The following IGBP1 variants were observed in gnomAD, a reference collection of about 807,000 sequenced individuals.
IGBP1 encodes immunoglobulin-binding protein 1.
IGBP1 carries 2 observed loss-of-function variants against 25.9 expected under a neutral mutation model. That is an observed-to-expected ratio of 0.08 (90% confidence interval 0.03 to 0.24). IGBP1 has a LOEUF of 0.24. IGBP1 is among the 10% of genes least tolerant of loss of function. The pLI is 1.00. For synonymous variants in IGBP1, 96 were observed against 93.4 expected, an observed-to-expected ratio of 1.03 and a Z score of -0.16; for missense variants, 187 against 260.4, an observed-to-expected ratio of 0.72 and a Z score of 1.94.
At chrX:70,148,194 A>G in intron 4 of IGBP1, among the ~76,000 whole-genome samples, 1 of 112,287 alleles carries the variant, frequency 8.9e-6, no homozygotes, top group South Asian at 3.7e-4. Context: ...TTCTTTAACC[A>G]TCCTTTGTTT....
chrX:70,140,014 T>C (rs902777040), intron 3 of IGBP1, among the ~76,000 whole-genome samples: 1 of 112,734 alleles, frequency 8.9e-6, no homozygotes, highest in Non-Finnish European at 1.9e-5. Context: ...ATATGGCTAA[T>C]TCTTCATCCT....
chrX:70,151,018 T>C (rs1219527269), intron 6 of IGBP1, among the ~76,000 whole-genome samples: 1 of 109,216 alleles, frequency 9.2e-6, no homozygotes, highest in East Asian at 2.9e-4. Flanking sequence ...TGGAGTGCAA[T>C]GGCGCGATCT....
At chrX:70,164,741 T>C (rs2085288002) in intron 6 of IGBP1, among the ~76,000 whole-genome samples, 1 of 112,007 alleles carries the variant, frequency 8.9e-6, no homozygotes, top group Admixed American at 9.5e-5. Context: ...TTACAAAAAT[T>C]TGTTTTATAT....
At chrX:70,157,928 A>G (rs1476127563) in intron 6 of IGBP1, among the ~76,000 whole-genome samples, 1 of 112,356 alleles carries the variant, frequency 8.9e-6, no homozygotes, top group Non-Finnish European at 1.9e-5. Flanking sequence ...GTGAATGTGA[A>G]AAAACCCATG....
At chrX:70,142,331 C>G (rs1602663771) in intron 3 of IGBP1, among the ~76,000 whole-genome samples, 1 of 109,855 alleles carries the variant, frequency 9.1e-6, no homozygotes, top group African/African-American at 3.3e-5. Context: ...GACCCTGTCT[C>G]AAAAATAAAG....
chrX:70,161,911 T>C (rs1274478663), intron 6 of IGBP1, among the ~76,000 whole-genome samples: 1 of 111,773 alleles, frequency 8.9e-6, no homozygotes, highest in Non-Finnish European at 1.9e-5. Context: ...TTAACAGTAT[T>C]GGATTATCAC....
intron 3 of IGBP1, among the ~76,000 whole-genome samples, chrX:70,143,335 G>A (rs1476149743): frequency 8.9e-6 from 1 of 112,373 alleles, no homozygotes; most frequent in African/African-American, 3.2e-5. Flanking sequence ...TTCCCGGCCA[G>A]TTACAGAGAT....
intron 6 of IGBP1, 141 bp downstream of exon 6, chrX:70,150,463 A>T (rs1420281754): frequency 2.0e-6 from 1 of 493,201 alleles, no homozygotes; most frequent in Non-Finnish European, 3.7e-6. Flanking sequence ...TCTAGACAGT[A>T]CTATGTTTAT....
intron 3 of IGBP1, among the ~76,000 whole-genome samples, chrX:70,138,480 C>CA (rs35566042): frequency 0.17 from 9,329 of 54,395 alleles, 1,228 homozygotes; most frequent in African/African-American, 0.3. Flanking sequence ...GACCCTGTCT[C>CA]AAAAAAAAAA....
chrX:70,136,192 A>G (rs2085093781), intron 3 of IGBP1, among the ~76,000 whole-genome samples: 1 of 111,669 alleles, frequency 9.0e-6, no homozygotes, highest in Non-Finnish European at 1.9e-5. Flanking sequence ...AGCTTTCCTC[A>G]TATGTGAAAT....
At chrX:70,152,632 G>A (rs1313272393) in intron 6 of IGBP1, among the ~76,000 whole-genome samples, 6 of 111,905 alleles carry the variant, frequency 5.4e-5, no homozygotes, top group African/African-American at 1.9e-4. Flanking sequence ...TGTAATTAAT[G>A]AAAAGATAAG....
Position 70,154,873 on chromosome X carries a change from C to T in IGBP1, c.871+4551C>T, listed in dbSNP as rs1324360443. On this transcript the variant is annotated intron_variant, in intron 6 of 6. Transcript: ENST00000356413. ...TATCGTGCCCCTGCACTCCAGCCTG[C>T]GTGATAGAGCAAGACCGTGTCTCAA... Among the ~76,000 whole-genome samples the T allele has an allele frequency of 7.4e-5, 8 of 108,605 alleles. No homozygotes were observed. In the South Asian group the frequency reaches 1.6e-3, roughly 22 times the overall value. The allele number at this position is 108,605 out of a possible 115,157, so 94.3% of individuals were successfully genotyped here.
At position 70,156,287 on chromosome X, in the gene IGBP1, TAAAA is replaced by T. The variant is rs202174045; in HGVS notation, c.871+5984_871+5987del. 9.5e-3 allele frequency among the ~76,000 whole-genome samples: 703 copies of T among 74,278 alleles called. 9 individuals are homozygous for T. The highest frequency in any genetic ancestry group is 0.031 in the African/African-American group (678 of 21,768). The allele number at this position is 74,278 out of a possible 115,157, so 64.5% of individuals were successfully genotyped here. A position where few individuals can be genotyped will look rare whatever the true frequency, so the allele number is the denominator to read the frequency against. Reference sequence around the variant, plus strand: ...GGGTTGCCACAAACCTTCAATTTGTTAAAAAAAAAAAAAAAAAAAAAAGTCTCTG... The same window carrying T: ...GGGTTGCCACAAACCTTCAATTTGTTAAAAAAAAAAAAAAAAAAGTCTCTG... On this transcript the variant is annotated intron_variant, in intron 6 of 6. Transcript: ENST00000356413.
At chrX:70,139,499 C>T (rs754718627) in intron 3 of IGBP1, among the ~76,000 whole-genome samples, 3 of 111,058 alleles carry the variant, frequency 2.7e-5, no homozygotes, top group Admixed American at 9.6e-5. Context: ...CCAGACCCCT[C>T]CTGACCTTCA....
At chrX:70,134,270 T>A in intron 2 of IGBP1, 135 bp downstream of exon 2, 2 of 588,726 alleles carry the variant, frequency 3.4e-6, no homozygotes, top group Non-Finnish European at 5.5e-6. Context: ...CGATCTTGTG[T>A]ACATTGTTTA....
At chrX:70,158,527 G>C (rs997121721) in intron 6 of IGBP1, among the ~76,000 whole-genome samples, 1 of 111,352 alleles carries the variant, frequency 9.0e-6, no homozygotes, top group African/African-American at 3.3e-5. Context: ...ATGAACAACA[G>C]ATTGTGGTGA....
rs2085128739 is a variant in IGBP1, at chrX:70,141,340, C to T, written c.483-5293C>T. 2.8e-5 allele frequency among the ~76,000 whole-genome samples: 3 copies of T among 107,861 alleles called. No individual in the cohort carries two copies. The South Asian group carries it at 1.2e-3, about 45-fold the overall frequency. 93.7% of individuals were successfully genotyped at this position (107,861 alleles called of 115,157 possible). On this transcript the variant is annotated intron_variant, in intron 3 of 6. Coordinates refer to ENST00000356413, the MANE Select transcript of IGBP1 (RefSeq NM_001551.3). Reference sequence around the variant, plus strand: ...CTAGCCTGGGCGACAGAGCAAGACCCTGTTGCAAAAAAAAAAAAGAAACTC... The same window carrying T: ...CTAGCCTGGGCGACAGAGCAAGACCTTGTTGCAAAAAAAAAAAAGAAACTC...
At chrX:70,135,221 T>C (rs1343735881) in intron 3 of IGBP1, among the ~76,000 whole-genome samples, 1 of 112,275 alleles carries the variant, frequency 8.9e-6, no homozygotes, top group Non-Finnish European at 1.9e-5. Context: ...CCTGAACTGA[T>C]CTTAGTCCTG....
intron 5 of IGBP1, 45 bp from the exon 6 acceptor site, chrX:70,150,165 G>GT (rs753594234): frequency 5.1e-6 from 4 of 780,917 alleles, no homozygotes; most frequent in East Asian, 3.2e-5. Flanking sequence ...TGTTATTTTT[G>GT]TTTTTTTGTT....
Sources: gnomAD v4.1 joint callset for allele counts (sites outside exome capture counted in the v4.1 genomes callset) on GRCh38, gnomAD v4.1.1 for gene constraint, MANE v1.5 for transcripts, NCBI Gene and HGNC (gene_info 2026-07-23, HGNC 2026-07-21) for gene names.